Variants in RAI14 observed in about 807,000 individuals in gnomAD.
The protein encoded by RAI14 is ankycorbin.
A neutral mutation model predicts 115.4 loss-of-function variants in RAI14; 45 were observed. That is an observed-to-expected ratio of 0.39 (90% CI 0.31 to 0.50). The LOEUF is 0.50. Among genes scored for constraint, RAI14 ranks in the 20% least tolerant of loss-of-function variants. RAI14 has a pLI of 0.85. For synonymous variants in RAI14, 371 were observed against 415.4 expected, an observed-to-expected ratio of 0.89 and a Z score of 1.30; for missense variants, 939 against 1,131.2, an observed-to-expected ratio of 0.83 and a Z score of 2.44.
intron 2 of RAI14, among the ~76,000 whole-genome samples, chr5:34,738,961 A>C (rs1440342456): frequency 6.6e-6 from 1 of 152,216 alleles, no homozygotes; most frequent in Non-Finnish European, 1.5e-5. Context: ...GTATGGTGGC[A>C]GCTGAAGCTT....
At chr5:34,718,524 C>T (rs1047215901) in intron 2 of RAI14, among the ~76,000 whole-genome samples, 1 of 152,222 alleles carries the variant, frequency 6.6e-6, no homozygotes, top group Admixed American at 6.5e-5. Context: ...TAGCATATTA[C>T]ACACAATGGT....
intron 3 of RAI14, among the ~76,000 whole-genome samples, chr5:34,786,952 G>A (rs147749195): frequency 1.8e-3 from 275 of 152,334 alleles, no homozygotes; most frequent in African/African-American, 6.4e-3. Flanking sequence ...GGGAAATAAA[G>A]GGATGGCCTG....
At chr5:34,813,532 A>G in intron 10 of RAI14, 42 bp from the exon 11 acceptor site, 2 of 1,490,310 alleles carry the variant, frequency 1.3e-6, no homozygotes, top group Non-Finnish European at 1.9e-6. Flanking sequence ...TTTACTAACC[A>G]AACTAACCCA....
intron 4 of RAI14, among the ~76,000 whole-genome samples, chr5:34,796,764 A>G (rs1753587403): frequency 6.6e-6 from 1 of 152,080 alleles, no homozygotes; most frequent in Non-Finnish European, 1.5e-5. Context: ...GCTGTACTTC[A>G]GGGCATCCAG....
At chr5:34,822,836 A>G (rs1580370133) in intron 14 of RAI14, 120 bp from the exon 15 acceptor site, 1 of 864,868 alleles carries the variant, frequency 1.2e-6, no homozygotes, top group Middle Eastern at 2.7e-4. Flanking sequence ...GGCGCCCGCC[A>G]CCACGCCCGG....
chr5:34,711,820 C>T (rs1333931580), intron 2 of RAI14, among the ~76,000 whole-genome samples: 3 of 152,238 alleles, frequency 2.0e-5, no homozygotes, highest in African/African-American at 4.8e-5. Context: ...TATTCTGTTA[C>T]AGCAGCCTGA....
intron 3 of RAI14, among the ~76,000 whole-genome samples, chr5:34,761,125 A>G (rs1748594839): frequency 1.3e-5 from 2 of 151,934 alleles, no homozygotes; most frequent in South Asian, 4.2e-4. Context: ...AAGAGTCACC[A>G]CCTCCCTTTT....
At chr5:34,687,727 G>T in intron 2 of RAI14, 1 of 1,551,446 alleles carries the variant, frequency 6.4e-7, no homozygotes, top group East Asian at 2.4e-5. Context: ...GCCAAGGTAT[G>T]TCACTCTCAA....
intron 3 of RAI14, among the ~76,000 whole-genome samples, chr5:34,764,284 A>T (rs10054499): frequency 0.054 from 8,276 of 152,168 alleles, 738 homozygotes; most frequent in African/African-American, 0.19. Flanking sequence ...CTCCCATTAG[A>T]ATCACCTGGG....
intron 2 of RAI14, among the ~76,000 whole-genome samples, chr5:34,724,086 G>A (rs1490701679): frequency 3.3e-5 from 5 of 152,064 alleles, no homozygotes; most frequent in Admixed American, 6.6e-5. Flanking sequence ...GCGCAATCTC[G>A]GCTCACTGCA....
chr5:34,822,610 C>G (rs903392400), intron 14 of RAI14, among the ~76,000 whole-genome samples: 1 of 140,068 alleles, frequency 7.1e-6, no homozygotes, highest in African/African-American at 2.6e-5. Flanking sequence ...ACCAAAGTTG[C>G]GGATTTACTC....
chr5:34,714,475 C>T (rs1741775857), intron 2 of RAI14, among the ~76,000 whole-genome samples: 1 of 152,156 alleles, frequency 6.6e-6, no homozygotes, highest in Admixed American at 6.5e-5. Context: ...GATTGATTTT[C>T]TATTTGATTT....
chr5:34,747,982 TG>T (rs1301561902), intron 2 of RAI14, among the ~76,000 whole-genome samples: 2 of 152,042 alleles, frequency 1.3e-5, no homozygotes, highest in South Asian at 4.1e-4. Flanking sequence ...GAAGAGAGCA[TG>T]GGGGACCCCA....
intron 4 of RAI14, among the ~76,000 whole-genome samples, chr5:34,800,282 G>A (rs1320863356): frequency 1.3e-5 from 2 of 152,136 alleles, no homozygotes. Flanking sequence ...TAAGTAAAAG[G>A]GTTCTTAGAC....
rs1756531500 is a variant in RAI14, at chr5:34,818,800, G to A, written c.943G>A (p.Glu315Lys). 1.9e-6 allele frequency: 3 copies of A among 1,608,742 alleles called. No homozygotes were observed. Among genetic ancestry groups the A allele is most frequent in the Non-Finnish European group, 2.5e-6 (3 of 1,177,014 alleles). Residue 315 changes from glutamate to lysine, a missense_variant, in exon 13 of 18, where the codon GAG (glutamate) becomes AAG (lysine). Physicochemically the swap from Glu to Lys is moderately conservative, Grantham distance 56. Transcript: ENST00000265109. Reference protein sequence around the residue: ...VFFAEPPFKAEISSIRENKDR... With the variant: ...VFFAEPPFKAKISSIRENKDR... ...AGTCATTTTTGTGTTTCAATAGGCT[G>A]AGATCAGTTCTATACGAGAAAACAA...
intron 1 of RAI14, among the ~76,000 whole-genome samples, chr5:34,675,842 T>A (rs1031759575): frequency 6.6e-6 from 1 of 152,228 alleles, no homozygotes; most frequent in African/African-American, 2.4e-5. Context: ...TTGAGCTTCA[T>A]CCATGCTTCA....
chr5:34,777,470 C>A (rs974093275), intron 3 of RAI14, among the ~76,000 whole-genome samples: 2 of 151,626 alleles, frequency 1.3e-5, no homozygotes, highest in Non-Finnish European at 2.9e-5. Flanking sequence ...ACCAAAAAAA[C>A]AAACAAAAAC....
At chr5:34,802,603 G>A (rs747623116) in intron 4 of RAI14, among the ~76,000 whole-genome samples, 1 of 152,160 alleles carries the variant, frequency 6.6e-6, no homozygotes, top group South Asian at 2.1e-4. Flanking sequence ...CAGCAGCAGA[G>A]TTGTCAATAC....
In RAI14 at chr5:34,818,836, A is replaced by T; in HGVS notation, c.979A>T (p.Ser327Cys). 6.2e-7 allele frequency: 1 copy of T among 1,611,104 alleles called. No individual in the cohort carries two copies. Among genetic ancestry groups the T allele is most frequent in the South Asian group, 1.1e-5 (1 of 90,370 alleles). Reference sequence around the variant, plus strand: ...TATACGAGAAAACAAAGACAGACTAAGTGACAGTACTACAGGTAAGACAAG... The same window carrying T: ...TATACGAGAAAACAAAGACAGACTATGTGACAGTACTACAGGTAAGACAAG... Reference protein sequence around the residue: ...SSIRENKDRLSDSTTGADSLL... With the variant: ...SSIRENKDRLCDSTTGADSLL... Residue 327 changes from serine to cysteine, a missense_variant, in exon 13 of 18, where the codon AGT becomes TGT. Transcript: ENST00000265109.
Sources: allele counts gnomAD v4.1 joint callset (sites outside exome capture counted in the v4.1 genomes callset), GRCh38; gene constraint gnomAD v4.1.1; transcripts MANE v1.5; gene names NCBI Gene and HGNC (gene_info 2026-07-23, HGNC 2026-07-21).